KIF6: variants seen among roughly 807,000 people sequenced by gnomAD.
KIF6 encodes kinesin family member 6.
Under a neutral mutation model 112.7 loss-of-function variants are expected in KIF6, and 106 were observed. That is an observed-to-expected ratio of 0.94 (90% CI 0.80 to 1.11). The LOEUF is 1.11. KIF6 is among the 50% of genes least tolerant of loss of function. The pLI is 0.00. For synonymous variants in KIF6, 339 were observed against 339.9 expected, an observed-to-expected ratio of 1.00 and a Z score of 0.03; for missense variants, 929 against 964.0, an observed-to-expected ratio of 0.96 and a Z score of 0.48.
chr6:39,700,559 G>T (rs1788820756), intron 3 of KIF6, among the ~76,000 whole-genome samples: 3 of 152,112 alleles, frequency 2.0e-5, no homozygotes, highest in African/African-American at 7.2e-5. Flanking sequence ...ACAAGAAACT[G>T]AAAGAAGCTT....
chr6:39,395,282 G>A (rs1768179210), intron 15 of KIF6, among the ~76,000 whole-genome samples: 1 of 152,198 alleles, frequency 6.6e-6, no homozygotes, highest in Admixed American at 6.5e-5. Flanking sequence ...ATTTCTGTAT[G>A]TGATACTATT....
At chr6:39,539,274 G>T (rs1778643588) in intron 13 of KIF6, among the ~76,000 whole-genome samples, 1 of 151,516 alleles carries the variant, frequency 6.6e-6, no homozygotes, top group Admixed American at 6.6e-5. Context: ...TCTCTGAGTT[G>T]GCCCAACCCT....
intron 13 of KIF6, among the ~76,000 whole-genome samples, chr6:39,437,190 G>A (rs537886784): frequency 2.0e-5 from 3 of 152,226 alleles, no homozygotes; most frequent in Non-Finnish European, 4.4e-5. Context: ...GATGTAAGCA[G>A]AACTACTGAT....
chr6:39,370,923 C>G (rs140541832), intron 16 of KIF6, among the ~76,000 whole-genome samples: 6 of 152,160 alleles, frequency 3.9e-5, no homozygotes, highest in Admixed American at 2.0e-4. Context: ...GTGGCAAGAG[C>G]AGGGTTACTA....
At chr6:39,621,382 G>A (rs536628686) in intron 5 of KIF6, among the ~76,000 whole-genome samples, 1 of 152,280 alleles carries the variant, frequency 6.6e-6, no homozygotes, top group East Asian at 1.9e-4. Flanking sequence ...TACCTGGGAA[G>A]CCTATAGCAC....
chr6:39,682,641 G>A (rs185171314), intron 3 of KIF6, among the ~76,000 whole-genome samples: 231 of 152,140 alleles, frequency 1.5e-3, no homozygotes, highest in African/African-American at 5.3e-3. Flanking sequence ...GTGCAGTGGC[G>A]CAATTTTGGC....
chr6:39,500,412 G>A (rs893062312), intron 13 of KIF6, among the ~76,000 whole-genome samples: 1 of 152,162 alleles, frequency 6.6e-6, no homozygotes, highest in Admixed American at 6.5e-5. Flanking sequence ...CTGAAATTAG[G>A]TGAAGCTTTC....
chr6:39,610,532 T>G (rs1783159585), intron 6 of KIF6, among the ~76,000 whole-genome samples: 1 of 152,236 alleles, frequency 6.6e-6, no homozygotes, highest in Non-Finnish European at 1.5e-5. Context: ...TTGTTCTTTT[T>G]ATCCTGGTAA....
chr6:39,519,752 G>T (rs561492226), intron 13 of KIF6, among the ~76,000 whole-genome samples: 3 of 100,796 alleles, frequency 3.0e-5, no homozygotes, highest in African/African-American at 1.6e-4. Context: ...CGGGCGCCGC[G>T]GCTCATGCCT....
At chr6:39,691,961 C>A (rs1788236180) in intron 3 of KIF6, 1 of 152,106 alleles carries the variant, frequency 6.6e-6, no homozygotes, top group African/African-American at 2.4e-5. Flanking sequence ...TATTAAAAAA[C>A]AAAAACAAAC....
chr6:39,343,633 C>G lies in KIF6; in HGVS notation c.2428+76G>C. On this transcript the variant is annotated intron_variant, in intron 22 of 22. Transcript: ENST00000287152. The surrounding 1 kb of genome is among the most constrained non-coding windows in gnomAD (Gnocchi z 4.1). ...TATGCAGGAAACTCCCTACTCCCCTCCCACCTCACTGTGTGCTCCCCACAA... is the reference window on the plus strand; with the variant it reads ...TATGCAGGAAACTCCCTACTCCCCTGCCACCTCACTGTGTGCTCCCCACAA... 1 of 1,264,130 alleles carries G rather than the reference C, an allele frequency of 7.9e-7. No homozygotes were observed. Among genetic ancestry groups the G allele is most frequent in the Non-Finnish European group, 1.1e-6 (1 of 898,106 alleles). The allele number at this position is 1,264,130 out of a possible 1,614,324, so 78.3% of individuals were successfully genotyped here. A position where few individuals can be genotyped will look rare whatever the true frequency, so the allele number is the denominator to read the frequency against.
chr6:39,679,614 CTTTTTT>C (rs55936243), intron 3 of KIF6, among the ~76,000 whole-genome samples: 2 of 106,500 alleles, frequency 1.9e-5, no homozygotes, highest in Admixed American at 1.1e-4. Context: ...CTTTTCTTTT[CTTTTTT>C]TTTTTTTTTT....
chr6:39,588,112 C>G (rs1781735315), intron 7 of KIF6, among the ~76,000 whole-genome samples: 1 of 152,184 alleles, frequency 6.6e-6, no homozygotes, highest in Non-Finnish European at 1.5e-5. Context: ...AAATTACAAA[C>G]TTTGTAGTGC....
intron 15 of KIF6, among the ~76,000 whole-genome samples, chr6:39,417,475 A>G (rs557637069): frequency 3.3e-5 from 5 of 152,212 alleles, no homozygotes; most frequent in Non-Finnish European, 7.4e-5. Flanking sequence ...TATTTTCTGG[A>G]TAAAACAAAT....
chr6:39,614,280 A>G (rs1018199610), intron 5 of KIF6, among the ~76,000 whole-genome samples: 14 of 152,224 alleles, frequency 9.2e-5, no homozygotes, highest in African/African-American at 3.4e-4. Flanking sequence ...TATTATTCAC[A>G]AGTATTGCCA....
chr6:39,346,085 T>TCTCCCTCTCCC, intron 20 of KIF6, among the ~76,000 whole-genome samples: 1 of 21,598 alleles, frequency 4.6e-5, no homozygotes, highest in Non-Finnish European at 8.0e-5. Flanking sequence ...TCTCTCTCTC[T>TCTCCCTCTCCC]CCCCCCCCTC....
At chr6:39,625,563 C>T (rs1784048919) in intron 5 of KIF6, among the ~76,000 whole-genome samples, 1 of 152,124 alleles carries the variant, frequency 6.6e-6, no homozygotes, top group Non-Finnish European at 1.5e-5. Context: ...GTAATTAACT[C>T]AGTTTAAGAA....
At chr6:39,689,482 G>C (rs887192842) in intron 3 of KIF6, among the ~76,000 whole-genome samples, 1 of 151,928 alleles carries the variant, frequency 6.6e-6, no homozygotes, top group African/African-American at 2.4e-5. Flanking sequence ...GGGTGACAGG[G>C]TAAGAAACTT....
At position 39,540,147 on chromosome 6, in the gene KIF6, G is replaced by C. The variant is rs201826611; in HGVS notation, c.1501C>G (p.Arg501Gly). The C allele has an allele frequency of 5.6e-6, 9 of 1,614,088 alleles. No individual in the cohort carries two copies. In the Admixed American group the frequency reaches 1.2e-4, roughly 21 times the overall value. ...GGGCTCTGGGACTGTCTGAATTCAC[G>C]TCTATCCATGCCAGCCAAGTGGAGA... ...EALHLAGMDR[R>G]EFRQSQSPPF... is the part of the protein sequence containing the mutation. Residue 501 changes from arginine (R) to glycine (G), a missense_variant, in exon 13 of 23, where the codon CGT (arginine) becomes GGT (glycine). Around this residue, in one of 2 missense-constraint regions of KIF6, gnomAD observed 688 missense variants for 662.7 expected, o/e 1.04. Transcript: ENST00000287152.
Sources: allele counts gnomAD v4.1 joint callset (sites outside exome capture counted in the v4.1 genomes callset), GRCh38; gene constraint gnomAD v4.1.1; regional missense constraint gnomAD v4.1.1; non-coding constraint Gnocchi (gnomAD v3.1); transcripts MANE v1.5; gene names NCBI Gene and HGNC (gene_info 2026-07-23, HGNC 2026-07-21).